Variants in KSR2 observed in about 807,000 individuals in gnomAD.
KSR2 encodes the protein kinase suppressor of ras 2.
Under a neutral mutation model 107.8 loss-of-function variants are expected in KSR2, and 25 were observed. The ratio of observed to expected loss-of-function variants is 0.23; its 90% CI spans 0.17 to 0.32. The LOEUF (loss-of-function observed/expected upper bound fraction) is 0.32, where lower values mean the gene tolerates loss of function less well. Among genes scored for constraint, KSR2 ranks in the 10% least tolerant of loss-of-function variants. KSR2 has a pLI of 1.00. For synonymous variants in KSR2, 480 were observed against 507.0 expected, an observed-to-expected ratio of 0.95 and a Z score of 0.71; for missense variants, 887 against 1,268.9, an observed-to-expected ratio of 0.70 and a Z score of 4.57.
chr12:117,604,739 T>C lies in KSR2; in HGVS notation c.1172-22380A>G, dbSNP rs1012677845. ...TAATATATAAAAATTGCAGTGTGCA[T>C]GTCATGCTAGGTTGGTATGTGGCAT... is the stretch of plus-strand genomic sequence containing the variant. On this transcript the variant is annotated intron_variant, in intron 5 of 19. Transcript: ENST00000339824. Among the ~76,000 whole-genome samples, 5 of 152,134 alleles carry C rather than the reference T, an allele frequency of 3.3e-5. No individual in the cohort carries two copies. The South Asian group carries it at 1.0e-3, about 32-fold the overall frequency.
intron 1 of KSR2, among the ~76,000 whole-genome samples, chr12:117,914,701 A>T (rs1376970785): frequency 6.6e-6 from 1 of 152,066 alleles, no homozygotes; most frequent in African/African-American, 2.4e-5. Flanking sequence ...CACCTGGCTA[A>T]TTTTTAATTT....
At chr12:117,813,117 CAGTACAAAAATCAACTCAAAATGGATTA>C (rs1891257755) in intron 3 of KSR2, among the ~76,000 whole-genome samples, 2 of 151,986 alleles carry the variant, frequency 1.3e-5, no homozygotes, top group African/African-American at 4.8e-5. Flanking sequence ...ATCTCTCATT[CAGTACAAAAATCAACTCAAAATGGATTA>C]AGGATCTAAA....
At chr12:117,739,976 T>C (rs1170016226) in intron 4 of KSR2, among the ~76,000 whole-genome samples, 1 of 151,888 alleles carries the variant, frequency 6.6e-6, no homozygotes, top group African/African-American at 2.4e-5. Context: ...TGGTGTTTGG[T>C]TACATGAGTA....
At chr12:117,583,775 C>T (rs1042745700) in intron 5 of KSR2, among the ~76,000 whole-genome samples, 2 of 152,090 alleles carry the variant, frequency 1.3e-5, no homozygotes, top group African/African-American at 2.4e-5. Flanking sequence ...GGAACTCGTC[C>T]TGCTTGTGGA....
At chr12:117,668,599 T>A (rs1480716343) in intron 4 of KSR2, among the ~76,000 whole-genome samples, 1 of 152,194 alleles carries the variant, frequency 6.6e-6, no homozygotes, top group East Asian at 1.9e-4. Context: ...AAATAACTGG[T>A]CTCACCACCC....
At chr12:117,947,766 A>G (rs1020709245) in intron 1 of KSR2, among the ~76,000 whole-genome samples, 1 of 152,132 alleles carries the variant, frequency 6.6e-6, no homozygotes, top group African/African-American at 2.4e-5. Context: ...AAGTAAATAC[A>G]TTTACATAGA....
At chr12:117,520,143 G>C (rs1874653626) in intron 14 of KSR2, among the ~76,000 whole-genome samples, 1 of 152,184 alleles carries the variant, frequency 6.6e-6, no homozygotes, top group African/African-American at 2.4e-5. Flanking sequence ...GAACCTACCA[G>C]ACTAGTATTT....
chr12:117,590,318 C>CT (rs1346203264), intron 5 of KSR2, among the ~76,000 whole-genome samples: 1 of 152,232 alleles, frequency 6.6e-6, no homozygotes. Flanking sequence ...GGGCAATCAA[C>CT]TTGCCCAGTG....
chr12:117,889,724 CAGG>C (rs1254005804), intron 1 of KSR2: 1 of 152,122 alleles, frequency 6.6e-6, no homozygotes, highest in African/African-American at 2.4e-5. Flanking sequence ...TATCCTGGAC[CAGG>C]AGTTCTCAAC....
rs573838948 is a variant in KSR2, at chr12:117,673,282, TTGA to T, written c.987-5627_987-5625del. On this transcript the variant is annotated intron_variant, in intron 4 of 19. Coordinates refer to ENST00000339824, the MANE Select transcript of KSR2 (RefSeq NM_173598.6). ...AGGGTGAAAAATTGGAAGGATGGAA[TTGA>T]TGAAGGACAGAGAGGATGGGAGGAT... 3.7e-3 allele frequency among the ~76,000 whole-genome samples: 565 copies of T among 151,614 alleles called. 11 individuals are homozygous for T. Among genetic ancestry groups the T allele is most frequent in the Admixed American group, 0.034 (514 of 15,248 alleles).
At chr12:117,793,208 G>T (rs1437254406) in intron 3 of KSR2, among the ~76,000 whole-genome samples, 5 of 133,354 alleles carry the variant, frequency 3.7e-5, no homozygotes, top group Non-Finnish European at 7.7e-5. Context: ...ACACCAACAT[G>T]CACACACCCT....
At chr12:117,610,813 T>A (rs1396351127) in intron 5 of KSR2, among the ~76,000 whole-genome samples, 2 of 148,758 alleles carry the variant, frequency 1.3e-5, no homozygotes, top group East Asian at 3.9e-4. Context: ...CATGTATAAG[T>A]AGGTAGGTAG....
intron 3 of KSR2, among the ~76,000 whole-genome samples, chr12:117,802,443 C>T (rs1890865553): frequency 6.6e-6 from 1 of 152,156 alleles, no homozygotes; most frequent in African/African-American, 2.4e-5. Context: ...TCACAGGTCA[C>T]ACGTTCAGAG....
At chr12:117,606,310 T>TCCC (rs1881226417) in intron 5 of KSR2, among the ~76,000 whole-genome samples, 1 of 129,636 alleles carries the variant, frequency 7.7e-6, no homozygotes, top group East Asian at 2.8e-4. Flanking sequence ...TTCTTCTTCC[T>TCCC]TCCTTCCCTA....
chr12:117,645,923 C>T (rs74337367), intron 5 of KSR2, among the ~76,000 whole-genome samples: 4,573 of 149,272 alleles, frequency 0.031, 239 homozygotes, highest in African/African-American at 0.11. Flanking sequence ...GTACAGCTGT[C>T]CTTCAGTATC....
chr12:117,785,152 C>T lies in KSR2; in HGVS notation c.473-23628G>A, dbSNP rs532839680. On this transcript the variant is annotated intron_variant, in intron 3 of 19. Coordinates refer to ENST00000339824, the MANE Select transcript of KSR2 (RefSeq NM_173598.6). ...TCAACAGGCTGGGCATGATGGCTCA[C>T]GCCTGTAATCCCAGCCCTTTGGGAG... Among the ~76,000 whole-genome samples, 436 of 152,250 alleles carry T rather than the reference C, an allele frequency of 2.9e-3. 7 individuals are homozygous for T. The highest frequency in any genetic ancestry group is 9.7e-3 in the African/African-American group (402 of 41,564).
chr12:117,739,686 G>A (rs140369684), intron 4 of KSR2, among the ~76,000 whole-genome samples: 1,953 of 152,288 alleles, frequency 0.013, 21 homozygotes, highest in Non-Finnish European at 0.019. Context: ...GGTCCTTGAG[G>A]AGCCTGGGTC....
At chr12:117,530,820 C>G (rs1875568462) in intron 12 of KSR2, 121 bp downstream of exon 12, 1 of 843,298 alleles carries the variant, frequency 1.2e-6, no homozygotes, top group Non-Finnish European at 2.0e-6. Context: ...TGTACATCTC[C>G]CTCTGCCCCC....
chr12:117,565,640 G>A (rs1028854996), intron 7 of KSR2, among the ~76,000 whole-genome samples: 1 of 152,102 alleles, frequency 6.6e-6, no homozygotes, highest in African/African-American at 2.4e-5. Context: ...CCTTTACCAT[G>A]TGAGATAAAC....
Sources: allele counts gnomAD v4.1 joint callset (sites outside exome capture counted in the v4.1 genomes callset), GRCh38; gene constraint gnomAD v4.1.1; transcripts MANE v1.5; gene names NCBI Gene and HGNC (gene_info 2026-07-23, HGNC 2026-07-21).